KCNQ1: variants seen among roughly 807,000 people sequenced by gnomAD.
KCNQ1 encodes potassium voltage-gated channel subfamily KQT member 1.
In KCNQ1, 49 loss-of-function variants were observed where a neutral mutation model predicts 72.4. The observed-to-expected ratio is 0.68, with a 90% CI of 0.54 to 0.86. The LOEUF (loss-of-function observed/expected upper bound fraction) is 0.86, where lower values mean the gene tolerates loss of function less well. Ranked by LOEUF, KCNQ1 falls within the 40% of genes least tolerant of loss-of-function variation. The probability of loss-of-function intolerance (pLI) is 0.00; values close to 1 mark genes in which losing one functional copy is unlikely to be tolerated. For missense variants in KCNQ1, 790 were observed against 945.1 expected (o/e 0.84, Z 2.15); for synonymous variants, 450 against 412.6 (o/e 1.09, Z -1.10).
At position 2,563,061 on chromosome 11, in the gene KCNQ1, G is replaced by C. The variant is rs1332941036; in HGVS notation, c.478-7567G>C. Among the ~76,000 whole-genome samples, 3 of 152,172 alleles carry C rather than the reference G, an allele frequency of 2.0e-5. No individual in the cohort carries two copies. Among genetic ancestry groups the C allele is most frequent in the Non-Finnish European group, 2.9e-5 (2 of 68,040 alleles). On this transcript the variant is annotated intron_variant, in intron 2 of 15. Coordinates refer to ENST00000155840, the MANE Select transcript of KCNQ1 (RefSeq NM_000218.3). The surrounding 1 kb of genome is among the most constrained non-coding windows in gnomAD (Gnocchi z 7.4). ...GAGAGACAGGATGTGAGCGCAGCTGGTCAGAACCAGTTATTTCAGGCTGCC... is the reference window on the plus strand; with the variant it reads ...GAGAGACAGGATGTGAGCGCAGCTGCTCAGAACCAGTTATTTCAGGCTGCC...
chr11:2,583,376 G>T, intron 6 of KCNQ1, 59 bp from the exon 7 acceptor site: 4 of 1,233,354 alleles, frequency 3.2e-6, no homozygotes, highest in Non-Finnish European at 3.6e-6. Context: ...GGGTTAGGCA[G>T]TTGGCCCTCC....
In KCNQ1 at chr11:2,498,403, G is replaced by A. The variant is rs1846955548; in HGVS notation, c.387-29525G>A. ...GCCCTGCCCAGTGAGGAGGAATCTAGAGAAGCAGTCTGGCCTCAGCTGCTT... is the reference window on the plus strand; with the variant it reads ...GCCCTGCCCAGTGAGGAGGAATCTAAAGAAGCAGTCTGGCCTCAGCTGCTT... On this transcript the variant is annotated intron_variant, in intron 1 of 15. Transcript: ENST00000155840. The surrounding 1 kb of genome is among the most constrained non-coding windows in gnomAD (Gnocchi z 4.8). 6.6e-6 allele frequency among the ~76,000 whole-genome samples: 1 copy of A among 152,246 alleles called. No individual in the cohort carries two copies. The highest frequency in any genetic ancestry group is 2.1e-4 in the South Asian group (1 of 4,834).
In KCNQ1 at chr11:2,526,725, T is replaced by C. The variant is rs768804386; in HGVS notation, c.387-1203T>C. Among the ~76,000 whole-genome samples, 1 of 151,766 alleles carries C rather than the reference T, an allele frequency of 6.6e-6. No homozygotes were observed. The highest frequency in any genetic ancestry group is 1.5e-5 in the Non-Finnish European group (1 of 67,906). Reference sequence around the variant, plus strand: ...TGGACAGGTGGAAGAGGATGGGTTCTGGGTGGGGCTGACTTCAGGAGGCTG... The same window carrying C: ...TGGACAGGTGGAAGAGGATGGGTTCCGGGTGGGGCTGACTTCAGGAGGCTG... On this transcript the variant is annotated intron_variant, in intron 1 of 15. Transcript: ENST00000155840. This position sits in a 1 kb window ranked among gnomAD's most constrained non-coding sequence, Gnocchi z 6.1.
chr11:2,674,890 G>C lies in KCNQ1; in HGVS notation c.1514+12809G>C, dbSNP rs911579677. 1 of 380,806 alleles carries C rather than the reference G, an allele frequency of 2.6e-6. No individual in the cohort carries two copies. The highest frequency in any genetic ancestry group is 4.6e-6 in the Non-Finnish European group (1 of 217,592). 23.6% of individuals were successfully genotyped at this position (380,806 alleles called of 1,614,324 possible). On this transcript the variant is annotated intron_variant, in intron 11 of 15. Transcript: ENST00000155840. The surrounding 1 kb of genome is among the most constrained non-coding windows in gnomAD (Gnocchi z 5.9). ...ACTGGGCACCTTGGCTGCAGGGTCT[G>C]AAAAGTCCTTTGTGTTAGCTCCAGC... is the stretch of plus-strand genomic sequence containing the variant.
Position 2,456,959 on chromosome 11 carries a change from A to C in KCNQ1, c.386+11475A>C, listed in dbSNP as rs1018181603. Among the ~76,000 whole-genome samples the C allele has an allele frequency of 8.1e-5, 12 of 148,684 alleles. 1 individual carries two copies. Among genetic ancestry groups the C allele is most frequent in the African/African-American group, 2.3e-4 (9 of 39,646 alleles). ...GTCTCAAAAAAAAAAAAAAAAAAAA[A>C]AAAAAACCCAAAAAAACAAAAAGTG... On this transcript the variant is annotated intron_variant, in intron 1 of 15. Coordinates refer to ENST00000155840, the MANE Select transcript of KCNQ1 (RefSeq NM_000218.3).
rs1252694563 is a variant in KCNQ1 at position 2,678,479 on chromosome 11, T to C, written c.1514+16398T>C. ...CTGCTACCTTTATCATATTTCAAACTCTCATTTAATTTGTGTCCATTTCTA... is the reference window on the plus strand; with the variant it reads ...CTGCTACCTTTATCATATTTCAAACCCTCATTTAATTTGTGTCCATTTCTA... On this transcript the variant is annotated intron_variant, in intron 11 of 15. Transcript: ENST00000155840. The surrounding 1 kb of genome is among the most constrained non-coding windows in gnomAD (Gnocchi z 4.9). The C allele has an allele frequency of 2.3e-5, 9 of 398,496 alleles. No homozygotes were observed. Among genetic ancestry groups the C allele is most frequent in the Non-Finnish European group, 4.0e-5 (9 of 226,062 alleles). The allele number at this position is 398,496 out of a possible 1,614,324, so 24.7% of individuals were successfully genotyped here. A position where few individuals can be genotyped will look rare whatever the true frequency, so the allele number is the denominator to read the frequency against.
Position 2,669,020 on chromosome 11 carries a change from C to G in KCNQ1, c.1514+6939C>G. 2 of 398,626 alleles carry G rather than the reference C, an allele frequency of 5.0e-6. No individual in the cohort carries two copies. The highest frequency in any genetic ancestry group is 8.8e-6 in the Non-Finnish European group (2 of 226,088). 24.7% of individuals were successfully genotyped at this position (398,626 alleles called of 1,614,324 possible). On this transcript the variant is annotated intron_variant, in intron 11 of 15. Coordinates refer to ENST00000155840, the MANE Select transcript of KCNQ1 (RefSeq NM_000218.3). The surrounding 1 kb of genome is among the most constrained non-coding windows in gnomAD (Gnocchi z 5.6). ...TCCACTCTTCCCCTACTTGGATATC[C>G]AGTCTAGCTCAGCACCCGGCATGGG...
rs1315559786 is a variant in KCNQ1, at chr11:2,458,752, C to T, written c.386+13268C>T. ...ACTGGAAATACTCGGGCCAGAGGAACGCGCTAAATGATACTACAGGAGGCC... is the reference window on the plus strand; with the variant it reads ...ACTGGAAATACTCGGGCCAGAGGAATGCGCTAAATGATACTACAGGAGGCC... On this transcript the variant is annotated intron_variant, in intron 1 of 15. Transcript: ENST00000155840. The surrounding 1 kb of genome is among the most constrained non-coding windows in gnomAD (Gnocchi z 4.6). Among the ~76,000 whole-genome samples, 3 of 152,108 alleles carry T rather than the reference C, an allele frequency of 2.0e-5. No homozygotes were observed. The highest frequency in any genetic ancestry group is 2.1e-4 in the South Asian group (1 of 4,826).
intron 11 of KCNQ1, chr11:2,665,171 G>A (rs1026517402): frequency 2.3e-5 from 9 of 398,728 alleles, no homozygotes; most frequent in Admixed American, 1.3e-4. Context: ...AGCTCTGGGC[G>A]GCCAGGACTC....
chr11:2,655,678 C>G, intron 10 of KCNQ1: 1 of 125,412 alleles, frequency 8.0e-6, no homozygotes, highest in Non-Finnish European at 1.7e-5. Flanking sequence ...TGAATCCCCA[C>G]CCACCCACCC....
intron 12 of KCNQ1, among the ~76,000 whole-genome samples, chr11:2,770,462 C>T (rs1846574073): frequency 6.6e-6 from 1 of 152,268 alleles, no homozygotes; most frequent in Admixed American, 6.5e-5. Flanking sequence ...TTGCCAAGAG[C>T]AGTATGCGGG....
At chr11:2,757,289 A>T (rs1348490733) in intron 11 of KCNQ1, among the ~76,000 whole-genome samples, 1 of 152,200 alleles carries the variant, frequency 6.6e-6, no homozygotes, top group Non-Finnish European at 1.5e-5. Context: ...CTAACAATGA[A>T]CCTGTGAAAA....
intron 11 of KCNQ1, chr11:2,667,018 G>A (rs1031505199): frequency 1.0e-4 from 41 of 398,560 alleles, no homozygotes; most frequent in African/African-American, 3.3e-4. Flanking sequence ...TAGGATCCCC[G>A]TCAGAGCCCC....
At position 2,824,633 on chromosome 11, in the gene KCNQ1, G is replaced by T. The variant is rs970718752; in HGVS notation, c.1795-23134G>T. Among the ~76,000 whole-genome samples the T allele has an allele frequency of 1.8e-4, 28 of 152,128 alleles. No homozygotes were observed. Among genetic ancestry groups the T allele is most frequent in the Admixed American group, 1.6e-3 (25 of 15,278 alleles). On this transcript the variant is annotated intron_variant, in intron 15 of 15. Coordinates refer to ENST00000155840, the MANE Select transcript of KCNQ1 (RefSeq NM_000218.3). The surrounding 1 kb of genome is among the most constrained non-coding windows in gnomAD (Gnocchi z 5.9). ...AGGTTGCCTGGCAAGAGATTGCAGG[G>T]AGAGGAGAGAGTGAGAATGGGGCCA...
At chr11:2,727,641 G>A (rs539249812) in intron 11 of KCNQ1, among the ~76,000 whole-genome samples, 3 of 152,254 alleles carry the variant, frequency 2.0e-5, no homozygotes, top group South Asian at 2.1e-4. Flanking sequence ...GGGTCCAGTT[G>A]GCTAGACCCA....
intron 11 of KCNQ1, among the ~76,000 whole-genome samples, chr11:2,727,785 G>A (rs231915): frequency 0.59 from 89,550 of 151,912 alleles, 26,787 homozygotes; most frequent in Middle Eastern, 0.71. Flanking sequence ...CAACGGTGTC[G>A]ATGTACAACA....
At chr11:2,696,403 C>T in intron 11 of KCNQ1, 1 of 398,662 alleles carries the variant, frequency 2.5e-6, no homozygotes. Flanking sequence ...ATGTCCCCTT[C>T]CTCTAGACTT....
intron 2 of KCNQ1, 59 bp from the exon 3 acceptor site, chr11:2,570,569 G>A (rs1420721916): frequency 1.9e-6 from 3 of 1,603,696 alleles, no homozygotes; most frequent in African/African-American, 2.7e-5. Context: ...AGGTTGCAGG[G>A]TCTGAAGCCA....
At chr11:2,556,793 A>G (rs997406527) in intron 2 of KCNQ1, among the ~76,000 whole-genome samples, 2 of 152,190 alleles carry the variant, frequency 1.3e-5, no homozygotes, top group African/African-American at 2.4e-5. Context: ...AGAGTAGCAG[A>G]CCTGGCTGTG....
Sources: gnomAD v4.1 joint callset for allele counts (sites outside exome capture counted in the v4.1 genomes callset) on GRCh38, gnomAD v4.1.1 for gene constraint, Gnocchi (gnomAD v3.1) non-coding constraint, MANE v1.5 for transcripts, NCBI Gene and HGNC (gene_info 2026-07-23, HGNC 2026-07-21) for gene names.